Variants in CRAMP1 observed in about 807,000 individuals in gnomAD.
CRAMP1 encodes the protein cramped chromatin regulator 1.
A neutral mutation model predicts 115.4 loss-of-function variants in CRAMP1; 50 were observed. The ratio of observed to expected loss-of-function variants is 0.43; its 90% confidence interval spans 0.35 to 0.55. CRAMP1 has a LOEUF of 0.55. Among genes scored for constraint, CRAMP1 ranks in the 20% least tolerant of loss-of-function variants. The pLI, the probability that CRAMP1 is intolerant of heterozygous loss-of-function variation, is 0.01. For synonymous variants in CRAMP1, 866 were observed against 745.4 expected (o/e 1.16, Z -2.64); for missense variants, 1,679 against 1,721.7 (o/e 0.98, Z 0.44).
chr16:1,669,248 T>C lies in CRAMP1; in HGVS notation c.3499+83T>C. ...GCGGGACACTGGATTCTCATTCTAC[T>C]CAAACTCCCACTAGGACTGTTGGCT... is the stretch of plus-strand genomic sequence containing the variant. On this transcript the variant is annotated intron_variant, in intron 19 of 20. Transcript: ENST00000397412. The surrounding 1 kb of genome is among the most constrained non-coding windows in gnomAD (Gnocchi z 4.6). The C allele has an allele frequency of 9.1e-7, 1 of 1,098,832 alleles. No homozygotes were observed. Among genetic ancestry groups the C allele is most frequent in the Non-Finnish European group, 1.3e-6 (1 of 785,706 alleles). The allele number at this position is 1,098,832 out of a possible 1,614,324, so 68.1% of individuals were successfully genotyped here. A position where few individuals can be genotyped will look rare whatever the true frequency, so the allele number is the denominator to read the frequency against.
chr16:1,657,851 C>A (rs2036789414), intron 10 of CRAMP1, among the ~76,000 whole-genome samples: 1 of 152,216 alleles, frequency 6.6e-6, no homozygotes, highest in Non-Finnish European at 1.5e-5. Flanking sequence ...GGCTGGCGAG[C>A]TGCTGGACAT....
chr16:1,632,673 C>T (rs969748947), intron 4 of CRAMP1, among the ~76,000 whole-genome samples: 1 of 152,266 alleles, frequency 6.6e-6, no homozygotes, highest in Non-Finnish European at 1.5e-5. Flanking sequence ...TCACCTGAAG[C>T]CTGTGGTCTC....
chr16:1,665,050 C>G lies in CRAMP1; in HGVS notation c.2671-7C>G, dbSNP rs185808708. 6.3e-7 allele frequency: 1 copy of G among 1,599,462 alleles called. No homozygotes were observed. Among genetic ancestry groups the G allele is most frequent in the East Asian group, 2.2e-5 (1 of 44,792 alleles). On this transcript the variant is annotated splice_polypyrimidine_tract_variant and splice_region_variant and intron_variant, in intron 13 of 20. Coordinates refer to ENST00000397412, the MANE Select transcript of CRAMP1 (RefSeq NM_020825.4). ...ATCACCTTGATTGTTGACCATTTTC[C>G]CCACAGAGAACACTGCTCCCTAGAC... is the stretch of plus-strand genomic sequence containing the variant.
Position 1,626,090 on chromosome 16 carries a change from A to G in CRAMP1, c.464A>G (p.Glu155Gly). The G allele has an allele frequency of 6.4e-7, 1 of 1,551,270 alleles. No homozygotes were observed. Among genetic ancestry groups the G allele is most frequent in the Non-Finnish European group, 8.7e-7 (1 of 1,146,778 alleles). Residue 155 changes from glutamate (E) to glycine (G), a missense_variant, in exon 3 of 21, where the codon GAA becomes GGA. By Grantham distance (98) the Glu-to-Gly change is moderately conservative (BLOSUM62 -2). This residue lies in a region of CRAMP1 where 264 missense variants were observed against 229.7 expected (regional missense o/e 1.15). Coordinates refer to ENST00000397412, the MANE Select transcript of CRAMP1 (RefSeq NM_020825.4). ...GGGTCTTCTGGTGGCGAGAAGGAAG[A>G]AGGCAAAAAGGTCCGGCGGCAGTGG... ...NLGSSGGEKE[E>G]GKKVRRQWES...
chr16:1,629,527 C>T (rs919346586), intron 3 of CRAMP1, among the ~76,000 whole-genome samples: 31 of 152,152 alleles, frequency 2.0e-4, no homozygotes, highest in African/African-American at 7.0e-4. Flanking sequence ...ACACGGCAGG[C>T]GCGACACAGA....
At chr16:1,665,413 C>G (rs1020133138) in intron 14 of CRAMP1, among the ~76,000 whole-genome samples, 1 of 152,176 alleles carries the variant, frequency 6.6e-6, no homozygotes, top group Non-Finnish European at 1.5e-5. Flanking sequence ...AGAGTTGTGT[C>G]TCTTGTCTGC....
At chr16:1,642,637 A>G (rs2036642059) in intron 6 of CRAMP1, among the ~76,000 whole-genome samples, 1 of 152,236 alleles carries the variant, frequency 6.6e-6, no homozygotes, top group African/African-American at 2.4e-5. Context: ...AGCACTGGGC[A>G]CATTGGAGGA....
chr16:1,656,818 G>T lies in CRAMP1; in HGVS notation c.2061G>T (p.Thr687=), dbSNP rs375947748. The T allele has an allele frequency of 5.1e-5, 79 of 1,549,642 alleles. No homozygotes were observed. The African/African-American group carries it at 5.3e-4, about 10-fold the overall frequency. The change falls in exon 10 of 21, where the codon ACG becomes ACT. Residue 687 remains threonine, a synonymous_variant. Coordinates refer to ENST00000397412, the MANE Select transcript of CRAMP1 (RefSeq NM_020825.4). The surrounding 1 kb of genome is among the most constrained non-coding windows in gnomAD (Gnocchi z 5.6). ...GWNLQTSESL[T]LAEVYLMMGK... ...ACCTGCAGACCTCCGAAAGCCTCAC[G>T]CTGGCCGAAGTCTACCTCATGATGG...
Position 1,667,411 on chromosome 16 carries a change from C to T in CRAMP1, c.3102+11C>T, listed in dbSNP as rs750760251. ...GCAGACAGTTTCCAGGTAGAGTGTGCTCTTGGGCTGCTGAGCAAAGCAGCT... is the reference window on the plus strand; with the variant it reads ...GCAGACAGTTTCCAGGTAGAGTGTGTTCTTGGGCTGCTGAGCAAAGCAGCT... On this transcript the variant is annotated intron_variant, in intron 17 of 20. Coordinates refer to ENST00000397412, the MANE Select transcript of CRAMP1 (RefSeq NM_020825.4). 1.2e-6 allele frequency: 2 copies of T among 1,609,810 alleles called. No individual in the cohort carries two copies. Among genetic ancestry groups the T allele is most frequent in the South Asian group, 1.1e-5 (1 of 91,038 alleles).
chr16:1,635,057 C>T (rs2036576386), intron 4 of CRAMP1, among the ~76,000 whole-genome samples: 1 of 152,148 alleles, frequency 6.6e-6, no homozygotes, highest in African/African-American at 2.4e-5. Flanking sequence ...CACCACCACA[C>T]CCAGCTAATT....
rs1242112223 is a variant in CRAMP1, at chr16:1,674,471, G to C, written c.*426G>C. ...CTGCAGGGAGGCCCCAGCCCCTGCTGCTTGCTTTCTGCCAAACCTGTGCTA... is the reference window on the plus strand; with the variant it reads ...CTGCAGGGAGGCCCCAGCCCCTGCTCCTTGCTTTCTGCCAAACCTGTGCTA... On this transcript the variant is annotated 3_prime_UTR_variant, in exon 21 of 21. Transcript: ENST00000397412. 8.7e-5 allele frequency: 17 copies of C among 195,194 alleles called. 1 individual carries two copies. The South Asian group carries it at 1.6e-3, about 18-fold the overall frequency. The allele number at this position is 195,194 out of a possible 1,614,324, so 12.1% of individuals were successfully genotyped here.
intron 10 of CRAMP1, among the ~76,000 whole-genome samples, chr16:1,658,058 C>G (rs1290808433): frequency 1.3e-5 from 2 of 152,236 alleles, no homozygotes; most frequent in African/African-American, 4.8e-5. Flanking sequence ...ATGCTCACTT[C>G]TGCCTGCATT....
At chr16:1,644,458 T>A (rs558152923) in intron 6 of CRAMP1, among the ~76,000 whole-genome samples, 1 of 152,304 alleles carries the variant, frequency 6.6e-6, no homozygotes, top group South Asian at 2.1e-4. Context: ...GCATGTCCAT[T>A]GAACAGGTCA....
At position 1,669,209 on chromosome 16, in the gene CRAMP1, AG is replaced by A; in HGVS notation, c.3499+48del. 2 of 1,475,720 alleles carry A rather than the reference AG, an allele frequency of 1.4e-6. No individual in the cohort carries two copies. Among genetic ancestry groups the A allele is most frequent in the Non-Finnish European group, 1.8e-6 (2 of 1,097,606 alleles). 91.4% of individuals were successfully genotyped at this position (1,475,720 alleles called of 1,614,324 possible). On this transcript the variant is annotated intron_variant, in intron 19 of 20. Coordinates refer to ENST00000397412, the MANE Select transcript of CRAMP1 (RefSeq NM_020825.4). This position sits in a 1 kb window ranked among gnomAD's most constrained non-coding sequence, Gnocchi z 4.6. ...CTCCCATCTCCTTTTCCAGGGCAGC[AG>A]GGGCTGGGGTCTGCGGGACACTGGA...
chr16:1,633,461 C>T (rs918831914), intron 4 of CRAMP1, among the ~76,000 whole-genome samples: 15 of 152,244 alleles, frequency 9.9e-5, no homozygotes, highest in African/African-American at 1.9e-4. Context: ...GGTCTGCCGC[C>T]GATGCGGTTT....
intron 5 of CRAMP1, among the ~76,000 whole-genome samples, chr16:1,640,628 G>A (rs997559910): frequency 5.3e-5 from 8 of 152,222 alleles, no homozygotes; most frequent in African/African-American, 9.7e-5. Context: ...GAAATGGGGC[G>A]TCTGCTCCAG....
chr16:1,612,749 T>A (rs1437223453), intron 1 of CRAMP1, among the ~76,000 whole-genome samples, 92 bp downstream of exon 1: 1 of 151,816 alleles, frequency 6.6e-6, no homozygotes, highest in East Asian at 2.0e-4. Flanking sequence ...GGGCGTCGCT[T>A]CCACAGCGCC....
chr16:1,616,779 G>C (rs896351926), intron 2 of CRAMP1, among the ~76,000 whole-genome samples: 1 of 151,620 alleles, frequency 6.6e-6, no homozygotes, highest in Non-Finnish European at 1.5e-5. Flanking sequence ...TGTGCTCCTC[G>C]TGACATATCC....
rs777765671 is a variant in CRAMP1 at position 1,656,302 on chromosome 16, G to C, written c.1545G>C (p.Arg515Ser). ...ACGCTCCTGACAGGCCTCCTCCCAG[G>C]CACCAGGACACTGGGCCATGTCTTG... ...SPDAPDRPPP[R>S]HQDTGPCLEK... Residue 515 changes from arginine (R) to serine (S), a missense_variant, in exon 10 of 21, where the codon AGG (arginine) becomes AGC (serine). Physicochemically the swap from Arg to Ser is moderately radical, Grantham distance 110. Coordinates refer to ENST00000397412, the MANE Select transcript of CRAMP1 (RefSeq NM_020825.4). This position sits in a 1 kb window ranked among gnomAD's most constrained non-coding sequence, Gnocchi z 5.6. 2 of 1,611,832 alleles carry C rather than the reference G, an allele frequency of 1.2e-6. No individual in the cohort carries two copies. Among genetic ancestry groups the C allele is most frequent in the African/African-American group, 1.3e-5 (1 of 74,920 alleles).
Sources: allele counts gnomAD v4.1 joint callset (sites outside exome capture counted in the v4.1 genomes callset), GRCh38; gene constraint gnomAD v4.1.1; regional missense constraint gnomAD v4.1.1; non-coding constraint Gnocchi (gnomAD v3.1); transcripts MANE v1.5; gene names NCBI Gene and HGNC (gene_info 2026-07-23, HGNC 2026-07-21).